DBH: variants seen among roughly 807,000 people sequenced by gnomAD.
DBH encodes dopamine beta-hydroxylase.
In DBH, 49 loss-of-function variants were observed where a neutral mutation model predicts 64.0. The observed-to-expected ratio is 0.77, with a 90% CI of 0.61 to 0.97. The LOEUF is 0.97. DBH is among the 50% of genes least tolerant of loss of function. DBH has a pLI of 0.00. For missense variants in DBH, 828 were observed against 826.6 expected, an observed-to-expected ratio of 1.00 and a Z score of -0.02; for synonymous variants, 343 against 347.1, an observed-to-expected ratio of 0.99 and a Z score of 0.13.
chr9:133,646,476 G>C (rs1368940297), intron 5 of DBH, among the ~76,000 whole-genome samples: 1 of 152,146 alleles, frequency 6.6e-6, no homozygotes, highest in Non-Finnish European at 1.5e-5. Context: ...GGGCTACCTG[G>C]ATGACACCTG....
At position 133,658,468 on chromosome 9, in the gene DBH, C is replaced by A. The variant is rs535655680; in HGVS notation, c.*21C>A. 5.7e-6 allele frequency: 9 copies of A among 1,591,996 alleles called. No homozygotes were observed. In the South Asian group the frequency reaches 9.1e-5, roughly 16 times the overall value. On this transcript the variant is annotated 3_prime_UTR_variant, in exon 12 of 12. Transcript: ENST00000393056. ...GCTGAGGGGGGACCTACTCCTCCCC[C>A]TCCTCCATGCTGTCCCTGTGGGCTC...
chr9:133,638,312 G>T (rs1393674546), intron 1 of DBH, among the ~76,000 whole-genome samples: 1 of 152,246 alleles, frequency 6.6e-6, no homozygotes, highest in African/African-American at 2.4e-5. Flanking sequence ...CCCCAGCGGG[G>T]TTGCATTGTG....
chr9:133,637,354 G>T (rs143409547), intron 1 of DBH, among the ~76,000 whole-genome samples: 2 of 152,252 alleles, frequency 1.3e-5, no homozygotes, highest in Non-Finnish European at 2.9e-5. Context: ...AAGGGGAAAA[G>T]TTTCCCTTCA....
intron 5 of DBH, among the ~76,000 whole-genome samples, chr9:133,644,563 C>A (rs562456038): frequency 2.0e-5 from 3 of 152,258 alleles, no homozygotes; most frequent in African/African-American, 7.2e-5. Context: ...TGGCCCCACA[C>A]CTCCCTCCTC....
At chr9:133,638,725 A>G (rs1832080823) in intron 1 of DBH, among the ~76,000 whole-genome samples, 1 of 152,236 alleles carries the variant, frequency 6.6e-6, no homozygotes, top group Non-Finnish European at 1.5e-5. Flanking sequence ...GGACAGGTGT[A>G]AACAACTCTG....
rs76316834 is a variant in DBH at position 133,658,433 on chromosome 9, G to A, written c.1840G>A (p.Gly614Arg). The A allele has an allele frequency of 1.5e-4, 247 of 1,611,796 alleles. No individual in the cohort carries two copies. Among genetic ancestry groups the A allele is most frequent in the Admixed American group, 2.0e-4 (12 of 59,790 alleles). ...TGGCCCCACCGTTGTCAGCATTGGT[G>A]GGGGCAAAGGCTGAGGGGGGACCTA... ...PAGPTVVSIG[G>R]GKG is the part of the protein sequence containing the mutation. The change falls in exon 12 of 12, where the codon GGG becomes AGG. Residue 614 changes from glycine (G) to arginine (R), a missense_variant. By Grantham distance (125) the Gly-to-Arg change is moderately radical. Coordinates refer to ENST00000393056, the MANE Select transcript of DBH (RefSeq NM_000787.4).
chr9:133,641,179 A>C (rs1266274739), intron 2 of DBH, among the ~76,000 whole-genome samples: 1 of 152,236 alleles, frequency 6.6e-6, no homozygotes, highest in East Asian at 1.9e-4. Context: ...CCAAATAGAC[A>C]AATACGGAAT....
At chr9:133,651,377 G>C (rs777545792) in intron 6 of DBH, among the ~76,000 whole-genome samples, 2 of 152,264 alleles carry the variant, frequency 1.3e-5, no homozygotes, top group Non-Finnish European at 2.9e-5. Flanking sequence ...GAGGATGAAG[G>C]ACTCGGAAAG....
At chr9:133,648,323 A>C (rs1415079691) in intron 6 of DBH, among the ~76,000 whole-genome samples, 2 of 152,146 alleles carry the variant, frequency 1.3e-5, no homozygotes, top group African/African-American at 4.8e-5. Context: ...TGCACTTGCC[A>C]CTCACAAGCG....
chr9:133,658,759 C>T lies in DBH; in HGVS notation c.*312C>T, dbSNP rs1832370635. The T allele has an allele frequency of 4.5e-6, 1 of 220,318 alleles. No homozygotes were observed. Among genetic ancestry groups the T allele is most frequent in the South Asian group, 1.8e-4 (1 of 5,620 alleles). 13.6% of individuals were successfully genotyped at this position (220,318 alleles called of 1,614,324 possible). A position where few individuals can be genotyped will look rare whatever the true frequency, so the allele number is the denominator to read the frequency against. ...GTCCAGGGTCCAGCCCTCCGCCAGC[C>T]CTGTTCCGCCTCACTGGGTGTGGCC... On this transcript the variant is annotated 3_prime_UTR_variant, in exon 12 of 12. Coordinates refer to ENST00000393056, the MANE Select transcript of DBH (RefSeq NM_000787.4).
intron 5 of DBH, among the ~76,000 whole-genome samples, chr9:133,644,838 T>G (rs1460842344): frequency 6.6e-6 from 1 of 152,116 alleles, no homozygotes; most frequent in East Asian, 1.9e-4. Flanking sequence ...GGGTCAGCTT[T>G]TAGCATGGCA....
intron 1 of DBH, 111 bp downstream of exon 1, chr9:133,636,821 C>T: frequency 1.9e-6 from 2 of 1,032,598 alleles, no homozygotes; most frequent in South Asian, 1.4e-5. Context: ...TGTCACCTGT[C>T]AGTGTTTGAG....
intron 5 of DBH, among the ~76,000 whole-genome samples, chr9:133,644,531 C>T (rs546165420): frequency 6.6e-6 from 1 of 152,392 alleles, no homozygotes; most frequent in South Asian, 2.1e-4. Flanking sequence ...TCACTCCTCA[C>T]AGCTTCGCCA....
chr9:133,642,301 G>A lies in DBH; in HGVS notation c.581G>A (p.Arg194Lys), dbSNP rs772836669. The change falls in exon 3 of 12, where the codon AGG becomes AAG. Residue 194 changes from arginine (R) to lysine (K), a missense_variant. Physicochemically the swap from Arg to Lys is conservative, Grantham distance 26. Transcript: ENST00000393056. The part of the protein sequence containing the change: ...NGSGLQMGLQ[R>K]VQLLKPNIPE... ...TCGGGCCTGCAGATGGGGCTGCAGA[G>A]GGTGCAGCTCCTGAAGCCCAATATC... 10 of 1,614,150 alleles carry A rather than the reference G, an allele frequency of 6.2e-6. No homozygotes were observed. The highest frequency in any genetic ancestry group is 7.6e-6 in the Non-Finnish European group (9 of 1,180,018).
intron 9 of DBH, chr9:133,656,166 C>T (rs1448444581): frequency 2.9e-6 from 1 of 343,604 alleles, no homozygotes; most frequent in Non-Finnish European, 5.7e-6. Context: ...TGCACTCAGG[C>T]TGTGCCACCG....
At chr9:133,657,451 G>GA in intron 11 of DBH, 2 of 289,848 alleles carry the variant, frequency 6.9e-6, no homozygotes, top group Admixed American at 5.9e-5. Context: ...AGGAGAGAGA[G>GA]GAGAGAGGGA....
intron 9 of DBH, 21 bp from the exon 10 acceptor site, chr9:133,656,502 C>T (rs148397484): frequency 1.8e-5 from 29 of 1,613,506 alleles, no homozygotes; most frequent in African/African-American, 5.3e-5. Context: ...CCGGGGCTGA[C>T]GGGTCTCCTC....
Position 133,658,458 on chromosome 9 carries a change from ACTCCTCCCCCTC to A in DBH, c.*16_*27del. 1.9e-6 allele frequency: 3 copies of A among 1,592,834 alleles called. No individual in the cohort carries two copies. The highest frequency in any genetic ancestry group is 1.7e-6 in the Non-Finnish European group (2 of 1,168,068). On this transcript the variant is annotated 3_prime_UTR_variant, in exon 12 of 12. Coordinates refer to ENST00000393056, the MANE Select transcript of DBH (RefSeq NM_000787.4). ...GGGGGCAAAGGCTGAGGGGGGACCT[ACTCCTCCCCCTC>A]CTCCATGCTGTCCCTGTGGGCTCAC...
intron 9 of DBH, 55 bp from the exon 10 acceptor site, chr9:133,656,468 A>T: frequency 6.2e-7 from 1 of 1,612,094 alleles, no homozygotes; most frequent in Non-Finnish European, 8.5e-7. Flanking sequence ...AAGCTGCTGG[A>T]TGGCAGCGTC....
Sources: gnomAD v4.1 joint callset for allele counts (sites outside exome capture counted in the v4.1 genomes callset) on GRCh38, gnomAD v4.1.1 for gene constraint, MANE v1.5 for transcripts, NCBI Gene and HGNC (gene_info 2026-07-23, HGNC 2026-07-21) for gene names.